Variants in ANKS1B observed in about 807,000 individuals in gnomAD.
ANKS1B encodes ankyrin repeat and sterile alpha motif domain-containing protein 1B.
ANKS1B carries 36 observed loss-of-function variants against 148.3 expected under a neutral mutation model. The observed-to-expected ratio is 0.24, with a 90% CI of 0.19 to 0.32. The LOEUF (loss-of-function observed/expected upper bound fraction) is 0.32. Ranked by LOEUF, ANKS1B falls within the 10% of genes least tolerant of loss-of-function variation. The pLI is 1.00. For synonymous variants in ANKS1B, 542 were observed against 560.8 expected, an observed-to-expected ratio of 0.97 and a Z score of 0.47; for missense variants, 1,157 against 1,542.6, an observed-to-expected ratio of 0.75 and a Z score of 4.19.
chr12:99,504,067 C>T (rs1258364880), intron 10 of ANKS1B, among the ~76,000 whole-genome samples: 1 of 152,016 alleles, frequency 6.6e-6, no homozygotes, highest in African/African-American at 2.4e-5. Context: ...TCTGATAATG[C>T]CATAAAAGAC....
chr12:99,733,520 G>A (rs1415765984), intron 8 of ANKS1B, among the ~76,000 whole-genome samples: 1 of 152,184 alleles, frequency 6.6e-6, no homozygotes, highest in East Asian at 1.9e-4. Context: ...TCTAGGCACT[G>A]AGCTACAAAC....
At chr12:99,773,776 T>C (rs1384295582) in intron 7 of ANKS1B, among the ~76,000 whole-genome samples, 2 of 152,142 alleles carry the variant, frequency 1.3e-5, no homozygotes, top group East Asian at 3.8e-4. Flanking sequence ...CAGCTGACTA[T>C]AGATGCATGG....
chr12:99,821,150 T>C (rs757564004), intron 2 of ANKS1B, among the ~76,000 whole-genome samples: 5 of 151,946 alleles, frequency 3.3e-5, no homozygotes, highest in Non-Finnish European at 5.9e-5. Context: ...TAAGAAACAA[T>C]GGAGAATATC....
chr12:98,810,133 C>CT (rs1478709016), intron 19 of ANKS1B, among the ~76,000 whole-genome samples: 2 of 152,204 alleles, frequency 1.3e-5, no homozygotes, highest in East Asian at 3.8e-4. Context: ...CCCTTAGCCC[C>CT]TGCTCCACCA....
chr12:99,215,433 T>G (rs2084007692), intron 14 of ANKS1B, among the ~76,000 whole-genome samples: 1 of 152,018 alleles, frequency 6.6e-6, no homozygotes, highest in Non-Finnish European at 1.5e-5. Flanking sequence ...CTCAGAGAGG[T>G]AGAGCCACTG....
chr12:99,360,448 G>T (rs1014701450), intron 12 of ANKS1B, among the ~76,000 whole-genome samples: 3 of 152,022 alleles, frequency 2.0e-5, no homozygotes, highest in African/African-American at 7.2e-5. Context: ...TGCATGATTT[G>T]TTCACAACTA....
At chr12:99,440,312 C>T (rs751627980) in intron 11 of ANKS1B, among the ~76,000 whole-genome samples, 14 of 151,768 alleles carry the variant, frequency 9.2e-5, no homozygotes, top group African/African-American at 3.1e-4. Context: ...AGATGTTTCA[C>T]GAGGAACTAT....
chr12:99,521,373 T>C (rs1025261568), intron 9 of ANKS1B, among the ~76,000 whole-genome samples: 1 of 152,208 alleles, frequency 6.6e-6, no homozygotes, highest in Non-Finnish European at 1.5e-5. Context: ...CCTCTGTTTC[T>C]CCAGGATTAG....
At chr12:98,880,038 T>C (rs1280918132) in intron 17 of ANKS1B, among the ~76,000 whole-genome samples, 4 of 152,200 alleles carry the variant, frequency 2.6e-5, no homozygotes, top group African/African-American at 7.2e-5. Context: ...AAAACACATA[T>C]TAATGATACA....
chr12:99,367,067 G>A (rs1262582249), intron 12 of ANKS1B, among the ~76,000 whole-genome samples: 1 of 152,036 alleles, frequency 6.6e-6, no homozygotes, highest in Non-Finnish European at 1.5e-5. Flanking sequence ...CCTACTAAAT[G>A]CCAATAGCAC....
At chr12:99,199,366 G>A (rs868462952) in intron 14 of ANKS1B, among the ~76,000 whole-genome samples, 13 of 152,262 alleles carry the variant, frequency 8.5e-5, no homozygotes, top group East Asian at 1.9e-4. Context: ...GTTGTTAGCC[G>A]TGGTTTTTTA....
intron 10 of ANKS1B, among the ~76,000 whole-genome samples, chr12:99,473,471 TGATA>T (rs544167289): frequency 2.0e-5 from 3 of 152,048 alleles, no homozygotes; most frequent in Non-Finnish European, 4.4e-5. Flanking sequence ...TACAATTAAT[TGATA>T]GATAGAAGAG....
chr12:99,923,093 A>G (rs752846845), intron 1 of ANKS1B, among the ~76,000 whole-genome samples: 1 of 152,220 alleles, frequency 6.6e-6, no homozygotes, highest in Non-Finnish European at 1.5e-5. Context: ...AAGAAGCATG[A>G]AACTGCATAG....
At chr12:99,756,773 C>A (rs2061609518) in intron 8 of ANKS1B, among the ~76,000 whole-genome samples, 1 of 150,736 alleles carries the variant, frequency 6.6e-6, no homozygotes, top group African/African-American at 2.4e-5. Flanking sequence ...AATAAGACCA[C>A]ACACCAGAAA....
At chr12:99,371,476 T>A (rs994720524) in intron 12 of ANKS1B, among the ~76,000 whole-genome samples, 5 of 152,104 alleles carry the variant, frequency 3.3e-5, no homozygotes, top group Non-Finnish European at 7.4e-5. Flanking sequence ...GATGAATTAG[T>A]TGCTAATCTA....
rs1213651224 is a variant in ANKS1B, at chr12:99,667,348, C to CA, written c.1129-12139dup. The stretch of plus-strand genomic sequence containing the variant: ...TGGGTGACAGAGCGAGACTCTGTCT[C>CA]AAAAAAAAAGAAAAGAAAAGAAAAG... On this transcript the variant is annotated intron_variant, in intron 8 of 26. Transcript: ENST00000683438. 2.8e-4 allele frequency among the ~76,000 whole-genome samples: 30 copies of CA among 108,930 alleles called. No homozygotes were observed. In the South Asian group the frequency reaches 6.7e-3, roughly 24 times the overall value. The allele number at this position is 108,930 out of a possible 152,430, so 71.5% of individuals were successfully genotyped here.
intron 10 of ANKS1B, among the ~76,000 whole-genome samples, chr12:99,489,493 A>G (rs1661780542): frequency 6.6e-6 from 1 of 152,228 alleles, no homozygotes; most frequent in Non-Finnish European, 1.5e-5. Context: ...GAAGCATTAT[A>G]TTAGTAGCTA....
chr12:99,143,094 A>G (rs977624593), intron 15 of ANKS1B, among the ~76,000 whole-genome samples: 8 of 152,182 alleles, frequency 5.3e-5, no homozygotes, highest in African/African-American at 1.9e-4. Flanking sequence ...TGGAAGGACA[A>G]GCCTAATTCT....
chr12:98,871,644 A>G (rs925818174), intron 17 of ANKS1B, among the ~76,000 whole-genome samples: 7 of 152,296 alleles, frequency 4.6e-5, no homozygotes, highest in African/African-American at 1.7e-4. Flanking sequence ...ACACAAAATT[A>G]TTTTTCCATA....
Sources: gnomAD v4.1 joint callset for allele counts (sites outside exome capture counted in the v4.1 genomes callset) on GRCh38, gnomAD v4.1.1 for gene constraint, MANE v1.5 for transcripts, NCBI Gene and HGNC (gene_info 2026-07-23, HGNC 2026-07-21) for gene names.